Variants in POLD1 observed in about 807,000 individuals in gnomAD.
The protein encoded by POLD1 is DNA polymerase delta 1, catalytic subunit, also known as DNA polymerase delta catalytic subunit.
A neutral mutation model predicts 129.7 loss-of-function variants in POLD1; 79 were observed. That is an observed-to-expected ratio of 0.61 (90% CI 0.51 to 0.73). The LOEUF (loss-of-function observed/expected upper bound fraction) is 0.73, where lower values mean the gene tolerates loss of function less well. POLD1 is among the 30% of genes least tolerant of loss of function. The pLI is 0.00. For missense variants in POLD1, 1,338 were observed against 1,595.8 expected (o/e 0.84, Z 2.75); for synonymous variants, 714 against 683.3 (o/e 1.04, Z -0.70).
At chr19:50,417,020 C>G in intron 24 of POLD1, 25 bp from the exon 25 acceptor site, 1 of 1,546,232 alleles carries the variant, frequency 6.5e-7, no homozygotes, top group Non-Finnish European at 8.7e-7. Flanking sequence ...GGCCCCAGCA[C>G]TTGGGCTGAC....
At position 50,416,378 on chromosome 19, in the gene POLD1, A is replaced by G. The variant is rs1331587270; in HGVS notation, c.2821-18A>G. On this transcript the variant is annotated intron_variant, in intron 22 of 26. Transcript: ENST00000440232. ...CCCTTTCCCTGGCTGCCCGGGTGTG[A>G]CTGCCATGTGGCCGCAGGACCCGCT... 1 of 1,547,694 alleles carries G rather than the reference A, an allele frequency of 6.5e-7. No individual in the cohort carries two copies. The highest frequency in any genetic ancestry group is 8.7e-7 in the Non-Finnish European group (1 of 1,146,584).
chr19:50,406,877 T>C lies in POLD1; in HGVS notation c.1495-106T>C. 1 of 859,722 alleles carries C rather than the reference T, an allele frequency of 1.2e-6. No homozygotes were observed. The allele number at this position is 859,722 out of a possible 1,614,324, so 53.3% of individuals were successfully genotyped here. On this transcript the variant is annotated intron_variant, in intron 12 of 26. Coordinates refer to ENST00000440232, the MANE Select transcript of POLD1 (RefSeq NM_002691.4). The surrounding 1 kb of genome is among the most constrained non-coding windows in gnomAD (Gnocchi z 5.5). ...GGAGGGCCCTCCTGCCCGCCTCACC[T>C]CCCAGGCCCTCCCCAGGCTACCTCA...
At chr19:50,400,013 C>T (rs1323181665) in intron 3 of POLD1, among the ~76,000 whole-genome samples, 1 of 151,660 alleles carries the variant, frequency 6.6e-6, no homozygotes, top group Non-Finnish European at 1.5e-5. Context: ...TGGGCTTTTG[C>T]CAAGTTGGCT....
Position 50,398,953 on chromosome 19 carries a change from CGAG to C in POLD1, c.108_110del (p.Glu36del), listed in dbSNP as rs1555789096. 1 of 1,585,960 alleles carries C rather than the reference CGAG, an allele frequency of 6.3e-7. No individual in the cohort carries two copies. Among genetic ancestry groups the C allele is most frequent in the South Asian group, 1.2e-5 (1 of 86,922 alleles). ...ATGATGCACCTCGGCCATCCCAATT[CGAG>C]GAGGACCTGGCACTGATGGAGGAGA... On this transcript the variant is annotated inframe_deletion, in exon 2 of 27. Transcript: ENST00000440232.
intron 1 of POLD1, among the ~76,000 whole-genome samples, chr19:50,385,049 C>A (rs1403921748): frequency 1.3e-5 from 2 of 152,074 alleles, no homozygotes; most frequent in Non-Finnish European, 2.9e-5. Context: ...TCCTATAGGG[C>A]CTTGTAAAAC....
chr19:50,406,870 C>CCT lies in POLD1; in HGVS notation c.1495-111_1495-110dup. The stretch of plus-strand genomic sequence containing the variant: ...ACGACTTGGAGGGCCCTCCTGCCCG[C>CCT]CTCACCTCCCAGGCCCTCCCCAGGC... On this transcript the variant is annotated intron_variant, in intron 12 of 26. Transcript: ENST00000440232. The surrounding 1 kb of genome is among the most constrained non-coding windows in gnomAD (Gnocchi z 5.5). The CCT allele has an allele frequency of 1.2e-6, 1 of 866,046 alleles. No homozygotes were observed. The highest frequency in any genetic ancestry group is 1.8e-6 in the Non-Finnish European group (1 of 560,090). The allele number at this position is 866,046 out of a possible 1,614,324, so 53.6% of individuals were successfully genotyped here.
chr19:50,392,288 G>C (rs1007359517), intron 1 of POLD1, among the ~76,000 whole-genome samples: 2 of 151,862 alleles, frequency 1.3e-5, no homozygotes, highest in African/African-American at 4.8e-5. Context: ...TGTAGAAATG[G>C]AGTCTCACCA....
At chr19:50,415,979 C>T (rs1274444344) in intron 22 of POLD1, 153 bp downstream of exon 22, 2 of 619,142 alleles carry the variant, frequency 3.2e-6, no homozygotes, top group Admixed American at 3.0e-5. Flanking sequence ...GGCCTCGGCC[C>T]CCTCTGGAGG....
intron 1 of POLD1, among the ~76,000 whole-genome samples, chr19:50,398,613 C>T (rs1022057200): frequency 2.0e-5 from 3 of 150,244 alleles, no homozygotes; most frequent in African/African-American, 7.4e-5. Flanking sequence ...TGCTAAGGAC[C>T]TAGTGTGATG....
chr19:50,388,939 T>G lies in POLD1; in HGVS notation c.-2+4549T>G, dbSNP rs145504085. ...CCTCTGCCTCCCAGGTTCAAGCGAT[T>G]CTCCTATTGCAGCTTCCTGAGTAGC... is the stretch of plus-strand genomic sequence containing the variant. On this transcript the variant is annotated intron_variant, in intron 1 of 26. Transcript: ENST00000440232. 1.7e-4 allele frequency among the ~76,000 whole-genome samples: 26 copies of G among 150,758 alleles called. No homozygotes were observed. The East Asian group carries it at 4.9e-3, about 28-fold the overall frequency.
intron 1 of POLD1, among the ~76,000 whole-genome samples, chr19:50,393,583 C>G (rs2122139054): frequency 6.6e-6 from 1 of 152,242 alleles, no homozygotes; most frequent in South Asian, 2.1e-4. Flanking sequence ...GGAGGATCAC[C>G]TGAGCCCGGG....
At position 50,399,438 on chromosome 19, in the gene POLD1, G is replaced by T; in HGVS notation, c.270G>T (p.Gln90His). The part of the protein sequence containing the change: ...LRPTPPALDP[Q>H]TEPLIFQQLE... The stretch of plus-strand genomic sequence containing the variant: ...CCACACCACCAGCGCTGGACCCCCA[G>T]ACAGAGCCCCTCATCTTCCAACAGT... The change falls in exon 3 of 27, where the codon CAG (glutamine) becomes CAT (histidine). Residue 90 changes from glutamine to histidine, a missense_variant. By Grantham distance (24) the Gln-to-His change is conservative. Transcript: ENST00000440232. 1 of 1,614,142 alleles carries T rather than the reference G, an allele frequency of 6.2e-7. No individual in the cohort carries two copies. Among genetic ancestry groups the T allele is most frequent in the Non-Finnish European group, 8.5e-7 (1 of 1,179,990 alleles).
chr19:50,414,577 T>A (rs1160044022), intron 19 of POLD1, among the ~76,000 whole-genome samples: 1 of 152,250 alleles, frequency 6.6e-6, no homozygotes, highest in Non-Finnish European at 1.5e-5. Flanking sequence ...TATCTGGATT[T>A]ATCCCAGTCT....
At position 50,409,030 on chromosome 19, in the gene POLD1, G is replaced by C. The variant is rs2038999525; in HGVS notation, c.1893-92G>C. 2 of 1,320,678 alleles carry C rather than the reference G, an allele frequency of 1.5e-6. No individual in the cohort carries two copies. The highest frequency in any genetic ancestry group is 1.4e-5 in the African/African-American group (1 of 69,328). The allele number at this position is 1,320,678 out of a possible 1,614,324, so 81.8% of individuals were successfully genotyped here. A position where few individuals can be genotyped will look rare whatever the true frequency, so the allele number is the denominator to read the frequency against. ...GAGTGGAGGGGTGCTTGAGGGGCCT[G>C]CGTGTGCTCATGGCCAAGGCCAGGA... On this transcript the variant is annotated intron_variant, in intron 15 of 26. Coordinates refer to ENST00000440232, the MANE Select transcript of POLD1 (RefSeq NM_002691.4). This position sits in a 1 kb window ranked among gnomAD's most constrained non-coding sequence, Gnocchi z 5.8.
At chr19:50,389,712 G>A (rs991425690) in intron 1 of POLD1, among the ~76,000 whole-genome samples, 19 of 150,782 alleles carry the variant, frequency 1.3e-4, no homozygotes, top group African/African-American at 3.7e-4. Context: ...TCAGCCTCCC[G>A]AATAGCTGGA....
intron 1 of POLD1, among the ~76,000 whole-genome samples, chr19:50,388,821 A>G (rs895472645): frequency 2.4e-3 from 333 of 140,266 alleles, no homozygotes; most frequent in African/African-American, 8.8e-3. Flanking sequence ...TCCAGCAGTT[A>G]ACTCTTTTTT....
At chr19:50,413,571 G>T (rs1482682135) in intron 18 of POLD1, 50 bp downstream of exon 18, 1 of 1,559,088 alleles carries the variant, frequency 6.4e-7, no homozygotes, top group Admixed American at 1.8e-5. Flanking sequence ...GCAGGTGGGG[G>T]GATGGAAGCC....
intron 10 of POLD1, 99 bp downstream of exon 10, chr19:50,403,696 A>T: frequency 1.2e-6 from 1 of 810,442 alleles, no homozygotes; most frequent in Non-Finnish European, 2.2e-6. Context: ...GGCTTGGTGC[A>T]TCTTGCTCTG....
At chr19:50,395,439 G>C (rs997256575) in intron 1 of POLD1, among the ~76,000 whole-genome samples, 2 of 151,894 alleles carry the variant, frequency 1.3e-5, no homozygotes, top group Non-Finnish European at 2.9e-5. Context: ...AAAAAATTAG[G>C]CGGGCGCAGT....
Sources: allele counts gnomAD v4.1 joint callset (sites outside exome capture counted in the v4.1 genomes callset), GRCh38; gene constraint gnomAD v4.1.1; non-coding constraint Gnocchi (gnomAD v3.1); transcripts MANE v1.5; gene names NCBI Gene and HGNC (gene_info 2026-07-23, HGNC 2026-07-21).